Variants in PDE4D observed in about 807,000 individuals in gnomAD.
PDE4D encodes 3',5'-cyclic-AMP phosphodiesterase 4D.
In PDE4D, 24 loss-of-function variants were observed where a neutral mutation model predicts 87.4. That is an observed-to-expected ratio of 0.27 (90% CI 0.20 to 0.39). The LOEUF is 0.39. Among genes scored for constraint, PDE4D ranks in the 10% least tolerant of loss-of-function variants. The probability of loss-of-function intolerance (pLI) is 1.00; values close to 1 mark genes in which losing one functional copy is unlikely to be tolerated. For missense variants in PDE4D, 714 were observed against 1,041.0 expected (o/e 0.69, Z 4.32); for synonymous variants, 384 against 383.2 (o/e 1.00, Z -0.02).
chr5:60,452,761 C>T (rs1267086263), intron 1 of PDE4D, among the ~76,000 whole-genome samples: 1 of 152,050 alleles, frequency 6.6e-6, no homozygotes, highest in Non-Finnish European at 1.5e-5. Context: ...GGTGATTAAA[C>T]AGATCTGAGA....
intron 1 of PDE4D, among the ~76,000 whole-genome samples, chr5:59,311,544 TGAA>T (rs942773216): frequency 3.1e-5 from 4 of 129,552 alleles, no homozygotes; most frequent in South Asian, 2.4e-4. Context: ...AGAAAAAAGA[TGAA>T]GAAGAAGGGA....
chr5:59,498,481 G>A (rs570065731), intron 1 of PDE4D, among the ~76,000 whole-genome samples: 1 of 151,578 alleles, frequency 6.6e-6, no homozygotes, highest in Admixed American at 6.6e-5. Context: ...CCATTTAAAA[G>A]GCAAAAAGTG....
chr5:60,109,279 A>G (rs1017740905), intron 2 of PDE4D, among the ~76,000 whole-genome samples: 4 of 152,246 alleles, frequency 2.6e-5, no homozygotes, highest in African/African-American at 4.8e-5. Context: ...ATCACTGGCC[A>G]TCAGAGGAAT....
intron 2 of PDE4D, among the ~76,000 whole-genome samples, chr5:59,197,692 C>A (rs1745773504): frequency 6.6e-6 from 1 of 152,154 alleles, no homozygotes; most frequent in Non-Finnish European, 1.5e-5. Flanking sequence ...TTGTGTCTTA[C>A]ACTTTGCTTA....
chr5:59,189,075 G>T (rs904272817), intron 3 of PDE4D, among the ~76,000 whole-genome samples: 23 of 151,968 alleles, frequency 1.5e-4, no homozygotes, highest in African/African-American at 5.6e-4. Context: ...AGTGGCTGAG[G>T]GACAGGCAGG....
At chr5:60,034,916 C>A (rs1336627812) in intron 2 of PDE4D, among the ~76,000 whole-genome samples, 3 of 152,092 alleles carry the variant, frequency 2.0e-5, no homozygotes, top group African/African-American at 7.2e-5. Context: ...TCTCCCTCTG[C>A]TGTATGAGAG....
At chr5:59,706,920 G>C (rs1386674361) in intron 1 of PDE4D, among the ~76,000 whole-genome samples, 4 of 151,990 alleles carry the variant, frequency 2.6e-5, no homozygotes, top group African/African-American at 7.3e-5. Context: ...TTTTATTATG[G>C]ACAATGAAAC....
chr5:59,381,038 A>T (rs1562069124), intron 1 of PDE4D, among the ~76,000 whole-genome samples: 1 of 152,144 alleles, frequency 6.6e-6, no homozygotes, highest in Non-Finnish European at 1.5e-5. Flanking sequence ...TTGTCACAGA[A>T]AAAGTTTGCT....
intron 1 of PDE4D, among the ~76,000 whole-genome samples, chr5:59,574,059 A>T (rs1305584276): frequency 2.3e-3 from 90 of 39,094 alleles, no homozygotes; most frequent in African/African-American, 8.7e-3. Context: ...TTTATATATA[A>T]AAATATATAT....
Position 59,918,648 on chromosome 5 carries a change from G to A in PDE4D, c.272+69840C>T, listed in dbSNP as rs986272111. On this transcript the variant is annotated intron_variant, in intron 3 of 16. Transcript: ENST00000502484. ...GTAAAGGGTCTATGGCGAGGGCAAGGTAGTAGCGAACTGAGGATGGCTTCT... is the reference window on the plus strand; with the variant it reads ...GTAAAGGGTCTATGGCGAGGGCAAGATAGTAGCGAACTGAGGATGGCTTCT... Among the ~76,000 whole-genome samples, 3 of 152,278 alleles carry A rather than the reference G, an allele frequency of 2.0e-5. No homozygotes were observed. The South Asian group carries it at 6.2e-4, about 32-fold the overall frequency.
intron 1 of PDE4D, among the ~76,000 whole-genome samples, chr5:59,234,167 C>T (rs966593558): frequency 2.0e-5 from 3 of 152,166 alleles, no homozygotes; most frequent in African/African-American, 4.8e-5. Flanking sequence ...TAAAATTTCT[C>T]TCATTTTTAT....
chr5:59,283,195 A>G (rs1766184628), intron 1 of PDE4D, among the ~76,000 whole-genome samples: 1 of 152,224 alleles, frequency 6.6e-6, no homozygotes. Context: ...TATTAAAAAT[A>G]AGTTTTAAAA....
rs779907537 is a variant in PDE4D at position 60,358,020 on chromosome 5, C to T, written c.-90+129922G>A. Among the ~76,000 whole-genome samples, 197 of 152,142 alleles carry T rather than the reference C, an allele frequency of 1.3e-3. 2 individuals carry two copies. The highest frequency in any genetic ancestry group is 4.7e-3 in the Admixed American group (72 of 15,262). ...ACCCTATGAGATAACATTTTTATTA[C>T]TTTCTCTATTTTATAGATCAAAACC... On this transcript the variant is annotated intron_variant, in intron 1 of 16. Coordinates refer to the PDE4D transcript ENST00000502484.
intron 1 of PDE4D, among the ~76,000 whole-genome samples, chr5:60,445,357 T>G (rs1745566599): frequency 6.6e-6 from 1 of 152,198 alleles, no homozygotes; most frequent in Non-Finnish European, 1.5e-5. Flanking sequence ...TTATGTTTTT[T>G]CAAGGTAAAA....
At chr5:59,912,759 T>C (rs1753592068) in intron 3 of PDE4D, among the ~76,000 whole-genome samples, 1 of 152,218 alleles carries the variant, frequency 6.6e-6, no homozygotes, top group South Asian at 2.1e-4. Context: ...TCATTGGGGA[T>C]ACTGTGGTGA....
intron 6 of PDE4D, among the ~76,000 whole-genome samples, chr5:59,033,951 C>T (rs776950869): frequency 3.3e-5 from 5 of 152,004 alleles, no homozygotes; most frequent in Non-Finnish European, 7.4e-5. Context: ...AGGAACTGAA[C>T]GGATGACAAC....
At chr5:60,325,004 A>C (rs1373567645) in intron 1 of PDE4D, among the ~76,000 whole-genome samples, 1 of 152,210 alleles carries the variant, frequency 6.6e-6, no homozygotes, top group African/African-American at 2.4e-5. Flanking sequence ...AAAAAACTAA[A>C]AGAACATGGT....
intron 1 of PDE4D, among the ~76,000 whole-genome samples, chr5:59,730,505 T>C (rs1325953908): frequency 1.3e-5 from 2 of 152,082 alleles, no homozygotes; most frequent in African/African-American, 4.8e-5. Flanking sequence ...TAGTGGAGAG[T>C]AGAGACATTT....
intron 4 of PDE4D, among the ~76,000 whole-genome samples, chr5:59,183,891 A>G (rs929730653): frequency 2.0e-5 from 3 of 152,160 alleles, no homozygotes; most frequent in African/African-American, 7.2e-5. Flanking sequence ...CTACATTCCT[A>G]CTCACTGGGA....
Sources: gnomAD v4.1 joint callset for allele counts (sites outside exome capture counted in the v4.1 genomes callset) on GRCh38, gnomAD v4.1.1 for gene constraint, MANE v1.5 for transcripts, NCBI Gene and HGNC (gene_info 2026-07-23, HGNC 2026-07-21) for gene names.